Variants in NEGR1 observed in about 807,000 individuals in gnomAD.
NEGR1 encodes IgLON family member 4.
In NEGR1, 10 loss-of-function variants were observed where a neutral mutation model predicts 40.9. The observed-to-expected ratio is 0.24, with a 90% confidence interval of 0.15 to 0.42. NEGR1 has a LOEUF of 0.42. Ranked by LOEUF, NEGR1 falls within the 10% of genes least tolerant of loss-of-function variation. The pLI, the probability that NEGR1 is intolerant of heterozygous loss-of-function variation, is 1.00. For synonymous variants in NEGR1, 185 were observed against 166.8 expected, an observed-to-expected ratio of 1.11 and a Z score of -0.84; for missense variants, 352 against 438.9, an observed-to-expected ratio of 0.80 and a Z score of 1.77.
intron 4 of NEGR1, among the ~76,000 whole-genome samples, chr1:71,691,388 A>AT (rs1346426199): frequency 1.3e-5 from 2 of 151,754 alleles, no homozygotes; most frequent in African/African-American, 4.8e-5. Flanking sequence ...TATTTTACTT[A>AT]TTTTTTGGGT....
intron 1 of NEGR1, among the ~76,000 whole-genome samples, chr1:72,265,599 G>A (rs571769842): frequency 6.6e-6 from 1 of 150,738 alleles, no homozygotes; most frequent in South Asian, 2.1e-4. Flanking sequence ...ATACCCTGTA[G>A]GCACCAGAAA....
At chr1:71,948,971 G>A (rs1373791794) in intron 1 of NEGR1, among the ~76,000 whole-genome samples, 1 of 151,514 alleles carries the variant, frequency 6.6e-6, no homozygotes, top group Non-Finnish European at 1.5e-5. Flanking sequence ...ACCTGAAGAG[G>A]AAAAAAAATA....
At chr1:71,934,173 A>C (rs1029399280) in intron 2 of NEGR1, among the ~76,000 whole-genome samples, 1 of 152,146 alleles carries the variant, frequency 6.6e-6, no homozygotes, top group Non-Finnish European at 1.5e-5. Flanking sequence ...AATATTTCTA[A>C]ACAACCAACA....
At chr1:72,263,122 T>A (rs1241621341) in intron 1 of NEGR1, among the ~76,000 whole-genome samples, 4 of 151,622 alleles carry the variant, frequency 2.6e-5, no homozygotes, top group African/African-American at 9.7e-5. Flanking sequence ...CCTCCAAATT[T>A]TTTAGTTACC....
intron 5 of NEGR1, among the ~76,000 whole-genome samples, chr1:71,604,522 A>C (rs547837117): frequency 6.6e-6 from 1 of 152,278 alleles, no homozygotes; most frequent in South Asian, 2.1e-4. Flanking sequence ...AATATTTAGA[A>C]TAGAAAAGAG....
At chr1:72,227,116 CATTTAATGTCTTTGA>C (rs1410102818) in intron 1 of NEGR1, among the ~76,000 whole-genome samples, 1 of 152,026 alleles carries the variant, frequency 6.6e-6, no homozygotes, top group African/African-American at 2.4e-5. Context: ...TGCTCTCTTG[CATTTAATGTCTTTGA>C]ATCCACAAAA....
rs138393020 is a variant in NEGR1 at position 71,915,678 on chromosome 1, A to G, written c.409+19401T>C. 3.0e-3 allele frequency among the ~76,000 whole-genome samples: 451 copies of G among 152,260 alleles called. 4 individuals are homozygous for G. The highest frequency in any genetic ancestry group is 0.01 in the African/African-American group (433 of 41,556). ...TGGCAGAGCCAAGGTCCACGTTCAG[A>G]TAAGTCTTACTCCAGCACGTTCATC... On this transcript the variant is annotated intron_variant, in intron 2 of 6. Transcript: ENST00000357731.
intron 6 of NEGR1, among the ~76,000 whole-genome samples, chr1:71,447,005 T>G (rs1049418321): frequency 6.6e-6 from 1 of 152,236 alleles, no homozygotes; most frequent in Non-Finnish European, 1.5e-5. Context: ...AGTATAAGTT[T>G]CCACTGTATA....
chr1:71,876,163 T>G (rs1660423099), intron 2 of NEGR1, among the ~76,000 whole-genome samples: 1 of 152,104 alleles, frequency 6.6e-6, no homozygotes, highest in Non-Finnish European at 1.5e-5. Flanking sequence ...AACACATAGT[T>G]CTTGTATATA....
At chr1:71,651,979 T>C (rs1418933422) in intron 4 of NEGR1, among the ~76,000 whole-genome samples, 1 of 152,178 alleles carries the variant, frequency 6.6e-6, no homozygotes, top group East Asian at 1.9e-4. Context: ...ATACTAAATG[T>C]TTTATGCCAA....
chr1:71,509,325 C>G (rs1647057795), intron 6 of NEGR1, among the ~76,000 whole-genome samples: 2 of 152,180 alleles, frequency 1.3e-5, no homozygotes, highest in Non-Finnish European at 2.9e-5. Context: ...TTGCAGAGGT[C>G]AGATCCCAGA....
intron 4 of NEGR1, among the ~76,000 whole-genome samples, chr1:71,634,580 AG>A (rs1342584341): frequency 6.6e-6 from 1 of 152,136 alleles, no homozygotes; most frequent in African/African-American, 2.4e-5. Context: ...GGTAAAAACT[AG>A]TTCAGCTGCC....
intron 6 of NEGR1, among the ~76,000 whole-genome samples, chr1:71,453,926 CT>C (rs1646651573): frequency 6.6e-6 from 1 of 152,116 alleles, no homozygotes; most frequent in Non-Finnish European, 1.5e-5. Flanking sequence ...AACCTCTGCC[CT>C]TTTCCTTTAC....
At chr1:71,453,230 C>A (rs1646645662) in intron 6 of NEGR1, among the ~76,000 whole-genome samples, 1 of 152,100 alleles carries the variant, frequency 6.6e-6, no homozygotes, top group Admixed American at 6.5e-5. Flanking sequence ...GCAGGATATT[C>A]TTCAACTAAT....
chr1:71,710,558 T>A (rs573589998), intron 3 of NEGR1, among the ~76,000 whole-genome samples: 3 of 152,254 alleles, frequency 2.0e-5, no homozygotes. Flanking sequence ...CAAAATGAGA[T>A]CCTTTCATTT....
chr1:71,416,789 C>T lies in NEGR1; in HGVS notation c.941-9219G>A, dbSNP rs151038913. Among the ~76,000 whole-genome samples the T allele has an allele frequency of 1.8e-4, 28 of 152,296 alleles. No individual in the cohort carries two copies. In the East Asian group the frequency reaches 5.4e-3, roughly 29 times the overall value. ...TCTCCATTCCCAGGACACATCCAAG[C>T]CTTTGCTGCACTTTTGTATTTGCAG... On this transcript the variant is annotated intron_variant, in intron 6 of 6. Transcript: ENST00000357731.
intron 6 of NEGR1, among the ~76,000 whole-genome samples, chr1:71,494,134 T>C (rs1364315098): frequency 1.3e-5 from 2 of 152,216 alleles, no homozygotes; most frequent in African/African-American, 4.8e-5. Flanking sequence ...TCCTGCCTGA[T>C]AGGAATCCTT....
intron 1 of NEGR1, among the ~76,000 whole-genome samples, chr1:72,235,724 T>C (rs1452473325): frequency 2.0e-5 from 3 of 152,004 alleles, no homozygotes; most frequent in Non-Finnish European, 4.4e-5. Flanking sequence ...TTATTGTTAA[T>C]AGGAAGCCAT....
intron 6 of NEGR1, among the ~76,000 whole-genome samples, chr1:71,513,773 C>A (rs561902839): frequency 2.5e-3 from 373 of 151,938 alleles, no homozygotes; most frequent in Non-Finnish European, 3.9e-3. Context: ...GCGTGAGCGA[C>A]GCAGAAGACG....
Sources: gnomAD v4.1 joint callset for allele counts (sites outside exome capture counted in the v4.1 genomes callset) on GRCh38, gnomAD v4.1.1 for gene constraint, MANE v1.5 for transcripts, NCBI Gene and HGNC (gene_info 2026-07-23, HGNC 2026-07-21) for gene names.